Variants in PLCH2 observed in about 807,000 individuals in gnomAD.
PLCH2 encodes 1-phosphatidylinositol 4,5-bisphosphate phosphodiesterase eta-2.
Under a neutral mutation model 134.7 loss-of-function variants are expected in PLCH2, and 98 were observed. The ratio of observed to expected loss-of-function variants is 0.73; its 90% CI spans 0.62 to 0.86. PLCH2 has a LOEUF of 0.86. Ranked by LOEUF, PLCH2 falls within the 40% of genes least tolerant of loss-of-function variation. The pLI is 0.00. For synonymous variants in PLCH2, 974 were observed against 827.5 expected (o/e 1.18, Z -3.04); for missense variants, 1,994 against 1,986.6 (o/e 1.00, Z -0.07).
At chr1:2,496,311 C>T (rs1642880370) in intron 13 of PLCH2, among the ~76,000 whole-genome samples, 1 of 152,220 alleles carries the variant, frequency 6.6e-6, no homozygotes, top group Admixed American at 6.5e-5. Context: ...CCCAGCTCTC[C>T]CCTGCTCAGA....
intron 21 of PLCH2, chr1:2,503,515 TG>T: frequency 1.5e-6 from 1 of 669,460 alleles, no homozygotes; most frequent in Non-Finnish European, 2.7e-6. Context: ...CTCCTTAGCC[TG>T]GAGGGAGGGA....
rs1370272372 is a variant in PLCH2, at chr1:2,502,180, T to C, written c.2730T>C (p.His910=). ...CAAAGCCCGGCTCGCTGGACAGTCA[T>C]GCTGCTGGGCGGCCCCCGGCCCGGC... ...RGPKPGSLDS[H]AAGRPPARPS... Residue 910 remains histidine, a synonymous_variant, in exon 21 of 22, where the codon CAT becomes CAC. Coordinates refer to ENST00000378486, the MANE Select transcript of PLCH2 (RefSeq NM_014638.4). 6 of 1,529,896 alleles carry C rather than the reference T, an allele frequency of 3.9e-6. No individual in the cohort carries two copies. The highest frequency in any genetic ancestry group is 5.3e-6 in the Non-Finnish European group (6 of 1,140,458). The allele number at this position is 1,529,896 out of a possible 1,614,324, so 94.8% of individuals were successfully genotyped here. A position where few individuals can be genotyped will look rare whatever the true frequency, so the allele number is the denominator to read the frequency against.
chr1:2,481,505 C>G (rs1641967259), intron 4 of PLCH2, among the ~76,000 whole-genome samples: 1 of 152,222 alleles, frequency 6.6e-6, no homozygotes, highest in African/African-American at 2.4e-5. Context: ...AGCAGGGTGG[C>G]TTAGGGTGCA....
chr1:2,445,008 C>T (rs1231330030), intron 2 of PLCH2, among the ~76,000 whole-genome samples: 1 of 152,110 alleles, frequency 6.6e-6, no homozygotes, highest in Non-Finnish European at 1.5e-5. Context: ...GGCCACTGTC[C>T]TATCTCCTGC....
At chr1:2,452,913 G>A (rs1261457211) in intron 2 of PLCH2, among the ~76,000 whole-genome samples, 3 of 152,222 alleles carry the variant, frequency 2.0e-5, no homozygotes, top group South Asian at 2.1e-4. Flanking sequence ...AAGGGTGCCT[G>A]TTGGCACCTG....
rs886990991 is a variant in PLCH2, at chr1:2,444,175, A to C, written c.115+13546A>C. Among the ~76,000 whole-genome samples, 3 of 152,112 alleles carry C rather than the reference A, an allele frequency of 2.0e-5. No individual in the cohort carries two copies. Among genetic ancestry groups the C allele is most frequent in the African/African-American group, 2.4e-5 (1 of 41,410 alleles). ...GGCGGAGCGGTCTTGAGCTCTCCGG[A>C]TGGCCTCAGGTGCGGGGTGAGGGAT... On this transcript the variant is annotated intron_variant, in intron 2 of 3. Coordinates refer to the PLCH2 transcript ENST00000609981. The surrounding 1 kb of genome is among the most constrained non-coding windows in gnomAD (Gnocchi z 4.6).
At chr1:2,462,977 C>A (rs906668691), upstream of PLCH2, among the ~76,000 whole-genome samples, 6 of 152,208 alleles carry the variant, frequency 3.9e-5, no homozygotes, top group African/African-American at 1.4e-4. Flanking sequence ...ACGGAATTCG[C>A]TTTGATGTTG....
chr1:2,474,906 T>C (rs1029892747), upstream of PLCH2, among the ~76,000 whole-genome samples: 2 of 152,180 alleles, frequency 1.3e-5, no homozygotes, highest in Non-Finnish European at 2.9e-5. Flanking sequence ...CCTTACACGG[T>C]GGCCTTCCCC....
chr1:2,491,205 G>C lies in PLCH2; in HGVS notation c.1529G>C (p.Arg510Pro). Residue 510 changes from arginine to proline, a missense_variant, in exon 11 of 22, where the codon CGA (arginine) becomes CCA (proline). Around this residue, in one of 2 missense-constraint regions of PLCH2, gnomAD observed 1,094 missense variants for 1,234.3 expected, o/e 0.89. Coordinates refer to ENST00000378486, the MANE Select transcript of PLCH2 (RefSeq NM_014638.4). ...KLLNGDASTN[R>P]KRVENTAKRK... ...TGGCTCCTGCAGGCATCCACCAATC[G>C]AAAGCGTGTAGAAAACACTGCTAAG... The C allele has an allele frequency of 6.2e-7, 1 of 1,612,424 alleles. No individual in the cohort carries two copies. The highest frequency in any genetic ancestry group is 8.5e-7 in the Non-Finnish European group (1 of 1,179,546).
At position 2,452,070 on chromosome 1, in the gene PLCH2, C is replaced by T. The variant is rs530334330; in HGVS notation, c.115+21441C>T. 4.1e-4 allele frequency among the ~76,000 whole-genome samples: 63 copies of T among 152,284 alleles called. No individual in the cohort carries two copies. In the South Asian group the frequency reaches 4.3e-3, roughly 11 times the overall value. On this transcript the variant is annotated intron_variant, in intron 2 of 3. Coordinates refer to the PLCH2 transcript ENST00000609981. ...CGAGCTTTGGCAGTGCACGGGAAGG[C>T]GCCCCCTCCCTCTGGCCCGAGGCTC...
At chr1:2,438,922 A>T (rs1376742467) in intron 2 of PLCH2, among the ~76,000 whole-genome samples, 2 of 152,158 alleles carry the variant, frequency 1.3e-5, no homozygotes, top group African/African-American at 2.4e-5. Flanking sequence ...GTTTTGCCCC[A>T]CTTCGCCGGC....
At position 2,498,423 on chromosome 1, in the gene PLCH2, T is replaced by C. The variant is rs1643013995; in HGVS notation, c.2225-100T>C. 3 of 1,369,516 alleles carry C rather than the reference T, an allele frequency of 2.2e-6. No homozygotes were observed. Among genetic ancestry groups the C allele is most frequent in the Non-Finnish European group, 3.0e-6 (3 of 1,004,882 alleles). 84.8% of individuals were successfully genotyped at this position (1,369,516 alleles called of 1,614,324 possible). ...CCCCCTGGCACCGGCTCCAGTCTCC[T>C]ATGTGGGGGCTGGGGAGGGGGCTGT... On this transcript the variant is annotated intron_variant, in intron 16 of 21. Coordinates refer to ENST00000378486, the MANE Select transcript of PLCH2 (RefSeq NM_014638.4). This position sits in a 1 kb window ranked among gnomAD's most constrained non-coding sequence, Gnocchi z 5.4.
the PLCH2 span, among the ~76,000 whole-genome samples, chr1:2,417,957 C>G: frequency 6.6e-6 from 1 of 152,246 alleles, no homozygotes; most frequent in Non-Finnish European, 1.5e-5. Context: ...CCTCCGGGGC[C>G]TGCCTCGGAC....
the PLCH2 span, among the ~76,000 whole-genome samples, chr1:2,417,913 T>C: frequency 6.6e-6 from 1 of 152,238 alleles, no homozygotes; most frequent in Non-Finnish European, 1.5e-5. Context: ...TCCCGGGTTA[T>C]GAGAGGACTC....
At chr1:2,420,958 T>C in the PLCH2 span, among the ~76,000 whole-genome samples, 1 of 151,566 alleles carries the variant, frequency 6.6e-6, no homozygotes, top group Non-Finnish European at 1.5e-5. Flanking sequence ...TTCACACTTT[T>C]TTTTTTTTTT....
chr1:2,453,866 C>T (rs1171764519), intron 2 of PLCH2, among the ~76,000 whole-genome samples: 14 of 152,214 alleles, frequency 9.2e-5, no homozygotes, highest in Admixed American at 3.9e-4. Flanking sequence ...CTTTGGGCAA[C>T]GGTGGCGGGG....
At chr1:2,449,079 C>G (rs907362075) in intron 2 of PLCH2, among the ~76,000 whole-genome samples, 2 of 152,060 alleles carry the variant, frequency 1.3e-5, no homozygotes, top group East Asian at 1.9e-4. Context: ...GAGTCCTGGT[C>G]GGAGCTGTAG....
upstream of PLCH2, among the ~76,000 whole-genome samples, chr1:2,424,429 C>A (rs1638671226): frequency 6.6e-6 from 1 of 152,174 alleles, no homozygotes; most frequent in South Asian, 2.1e-4. Context: ...TCTATGAGCT[C>A]AGGTGTTTTA....
intron 2 of PLCH2, among the ~76,000 whole-genome samples, chr1:2,435,430 A>G (rs1209612107): frequency 2.0e-5 from 3 of 151,770 alleles, no homozygotes; most frequent in African/African-American, 7.3e-5. Context: ...AGAGGGCACC[A>G]GCAAAGCTGT....
Sources: allele counts gnomAD v4.1 joint callset (sites outside exome capture counted in the v4.1 genomes callset), GRCh38; gene constraint gnomAD v4.1.1; regional missense constraint gnomAD v4.1.1; non-coding constraint Gnocchi (gnomAD v3.1); transcripts MANE v1.5; gene names NCBI Gene and HGNC (gene_info 2026-07-23, HGNC 2026-07-21).